Variants in ZNF624 observed in about 807,000 individuals in gnomAD.
ZNF624 encodes the protein zinc finger protein 624.
Under a neutral mutation model 74.7 loss-of-function variants are expected in ZNF624, and 43 were observed. That is an observed-to-expected ratio of 0.58 (90% CI 0.45 to 0.74). ZNF624 has a LOEUF of 0.74. Ranked by LOEUF, ZNF624 falls within the 30% of genes least tolerant of loss-of-function variation. ZNF624 has a pLI of 0.00. For missense variants in ZNF624, 820 were observed against 1,030.0 expected (o/e 0.80, Z 2.79); for synonymous variants, 331 against 341.3 (o/e 0.97, Z 0.33).
downstream of ZNF624, among the ~76,000 whole-genome samples, chr17:16,619,046 G>A (rs1395415946): frequency 6.6e-6 from 1 of 152,136 alleles, no homozygotes; most frequent in Admixed American, 6.5e-5. Context: ...AATAATAAAA[G>A]CATACAACGA....
chr17:16,642,874 C>T (rs1408708627), intron 3 of ZNF624, among the ~76,000 whole-genome samples: 1 of 152,176 alleles, frequency 6.6e-6, no homozygotes, highest in Non-Finnish European at 1.5e-5. Flanking sequence ...ATAGATATTT[C>T]TCCAAAGGAG....
chr17:16,643,714 C>A (rs1236135983), intron 3 of ZNF624, among the ~76,000 whole-genome samples: 1 of 152,148 alleles, frequency 6.6e-6, no homozygotes, highest in Non-Finnish European at 1.5e-5. Flanking sequence ...GCCAGAAGGA[C>A]AATCTTTTTC....
Position 16,630,041 on chromosome 17 carries a change from CAG to C in ZNF624, c.376+3819_376+3820del, listed in dbSNP as rs529129827. ...CAATGGCAGAGTGGAGTAGTCACAG[CAG>C]AGAGTCCTTATGATCCAACAAAGCC... On this transcript the variant is annotated intron_variant, in intron 5 of 5. Transcript: ENST00000311331. 2.1e-3 allele frequency among the ~76,000 whole-genome samples: 327 copies of C among 152,234 alleles called. 3 individuals are homozygous for C. Among genetic ancestry groups the C allele is most frequent in the Non-Finnish European group, 3.4e-3 (234 of 68,036 alleles).
At position 16,633,769 on chromosome 17, in the gene ZNF624, T is replaced by C. The variant is rs1029854138; in HGVS notation, c.376+93A>G. ...CCTCTGAGACAGCGTTGAACAAATA[T>C]ATCTTCAAAATTATTTCAGATGTTC... On this transcript the variant is annotated intron_variant, in intron 5 of 5. Transcript: ENST00000311331. 10 of 1,011,638 alleles carry C rather than the reference T, an allele frequency of 9.9e-6. No homozygotes were observed. In the Middle Eastern group the frequency reaches 6.6e-4, roughly 66 times the overall value. 62.7% of individuals were successfully genotyped at this position (1,011,638 alleles called of 1,614,324 possible). A position where few individuals can be genotyped will look rare whatever the true frequency, so the allele number is the denominator to read the frequency against.
At chr17:16,618,780 C>A (rs1028824025), downstream of ZNF624, among the ~76,000 whole-genome samples, 2 of 119,740 alleles carry the variant, frequency 1.7e-5, no homozygotes, top group African/African-American at 8.7e-5. Flanking sequence ...TATTTTCTCT[C>A]CCTTATTTTC....
intron 3 of ZNF624, among the ~76,000 whole-genome samples, chr17:16,636,835 CAA>C (rs371820225): frequency 2.4e-5 from 3 of 125,464 alleles, no homozygotes; most frequent in African/African-American, 5.9e-5. Flanking sequence ...GACTCCGTCT[CAA>C]AAAAAAAAAA....
At chr17:16,652,905 T>C (rs539953220) in intron 1 of ZNF624, among the ~76,000 whole-genome samples, 16 of 152,360 alleles carry the variant, frequency 1.1e-4, no homozygotes, top group South Asian at 2.1e-4. Flanking sequence ...TACATGACAG[T>C]AGCCACCTTA....
rs868208878 is a variant in ZNF624, at chr17:16,623,239, C to G, written c.1647G>C (p.Met549Ile). ...ATTTATAAGGTTTCTCTCCTGTATG[C>G]ATTCTGTGGTGTACAGTAAGGCATG... ...NYSCLTVHHR[M>I]HTGEKPYKCT... The change falls in exon 6 of 6, where the codon ATG becomes ATC. Residue 549 changes from methionine (M) to isoleucine (I), a missense_variant. By Grantham distance (10) the Met-to-Ile change is conservative. Coordinates refer to ENST00000311331, the MANE Select transcript of ZNF624 (RefSeq NM_020787.4). This position sits in a 1 kb window ranked among gnomAD's most constrained non-coding sequence, Gnocchi z 5.3. The G allele has an allele frequency of 1.2e-6, 2 of 1,613,844 alleles. No homozygotes were observed. Among genetic ancestry groups the G allele is most frequent in the Non-Finnish European group, 1.7e-6 (2 of 1,179,894 alleles).
In ZNF624 at chr17:16,622,810, TC is replaced by T; in HGVS notation, c.2075del (p.Gly692GlufsTer104). The T allele has an allele frequency of 6.2e-7, 1 of 1,614,050 alleles. No homozygotes were observed. Among genetic ancestry groups the T allele is most frequent in the Non-Finnish European group, 8.5e-7 (1 of 1,179,986 alleles). On this transcript the variant is annotated frameshift_variant, in exon 6 of 6. Coordinates refer to ENST00000311331, the MANE Select transcript of ZNF624 (RefSeq NM_020787.4). LOFTEE classifies it high-confidence loss of function. ...ATTCATTGCATTTATAGGGCTTCTC[TC>T]CAGTATGCCTTCGTTGGTGCACGGT... The part of the protein sequence containing the change: ...QLTVHQRRHT[G>X]EKPYKCNECG...
intron 4 of ZNF624, among the ~76,000 whole-genome samples, 197 bp downstream of exon 4, chr17:16,634,433 A>G (rs1909278026): frequency 6.6e-6 from 1 of 152,232 alleles, no homozygotes; most frequent in African/African-American, 2.4e-5. Flanking sequence ...GTTGTCAACA[A>G]TCTCCAAGAT....
intron 5 of ZNF624, among the ~76,000 whole-genome samples, chr17:16,632,328 C>A (rs899880991): frequency 6.6e-6 from 1 of 152,162 alleles, no homozygotes; most frequent in Admixed American, 6.5e-5. Flanking sequence ...CTTTGTCTTG[C>A]AACATCAATG....
At chr17:16,638,571 A>T (rs1173334317) in intron 3 of ZNF624, among the ~76,000 whole-genome samples, 1 of 152,186 alleles carries the variant, frequency 6.6e-6, no homozygotes, top group Non-Finnish European at 1.5e-5. Context: ...AGGGACATGG[A>T]TGAAACTGGA....
Position 16,633,952 on chromosome 17 carries a change from C to T in ZNF624, c.286G>A (p.Ala96Thr), listed in dbSNP as rs1204181152. 2.5e-6 allele frequency: 4 copies of T among 1,612,690 alleles called. No individual in the cohort carries two copies. Among genetic ancestry groups the T allele is most frequent in the Non-Finnish European group, 3.4e-6 (4 of 1,179,176 alleles). The change falls in exon 5 of 6, where the codon GCA becomes ACA. Residue 96 changes from alanine to threonine, a missense_variant. Coordinates refer to ENST00000311331, the MANE Select transcript of ZNF624 (RefSeq NM_020787.4). ...GATATCATGTCTGGTTTGGAAACTG[C>T]AAGCCCTGTCCAGAGAAAAATAAAT... Reference protein sequence around the residue: ...NYRNLVSLGLAVSKPDMISHL... With the variant: ...NYRNLVSLGLTVSKPDMISHL...
rs1482471082 is a variant in ZNF624, at chr17:16,623,282, T to G, written c.1604A>C (p.Lys535Thr). 1.9e-6 allele frequency: 3 copies of G among 1,613,990 alleles called. No homozygotes were observed. The South Asian group carries it at 3.3e-5, about 18-fold the overall frequency. Reference protein sequence around the residue: ...EKPYKCNECGKAFINYSCLTV... With the variant: ...EKPYKCNECGTAFINYSCLTV... ...AAGGCATGAATAATTAATGAATGCT[T>G]TCCCACATTCATTACATTTATAGGG... The change falls in exon 6 of 6, where the codon AAA becomes ACA. Residue 535 changes from lysine (K) to threonine (T), a missense_variant. Lys to Thr is a moderately conservative substitution (Grantham distance 78). Coordinates refer to ENST00000311331, the MANE Select transcript of ZNF624 (RefSeq NM_020787.4). The surrounding 1 kb of genome is among the most constrained non-coding windows in gnomAD (Gnocchi z 5.3).
chr17:16,633,576 G>A (rs1909254078), intron 5 of ZNF624, among the ~76,000 whole-genome samples: 1 of 152,004 alleles, frequency 6.6e-6, no homozygotes, highest in Non-Finnish European at 1.5e-5. Flanking sequence ...GACCTGAAAG[G>A]GATATTTTAT....
intron 4 of ZNF624, 38 bp downstream of exon 4, chr17:16,634,592 G>A: frequency 6.3e-7 from 1 of 1,592,438 alleles, no homozygotes; most frequent in Non-Finnish European, 8.5e-7. Context: ...CTGGTCAAAT[G>A]GGCAGATCAA....
In ZNF624 at chr17:16,623,675, G is replaced by C. The variant is rs760270076; in HGVS notation, c.1211C>G (p.Ala404Gly). 2.5e-6 allele frequency: 4 copies of C among 1,608,684 alleles called. No individual in the cohort carries two copies. The highest frequency in any genetic ancestry group is 2.2e-5 in the South Asian group (2 of 89,850). ...ACCATTGTGAGTTTCCTGATGTCTT[G>C]CAAGTTTTGATTTATCACTAAAAGC... ...GKAFSDKSKL[A>G]RHQETHNGEK... is the part of the protein sequence containing the mutation. Residue 404 changes from alanine (A) to glycine (G), a missense_variant, in exon 6 of 6, where the codon GCA (alanine) becomes GGA (glycine). Transcript: ENST00000311331. This position sits in a 1 kb window ranked among gnomAD's most constrained non-coding sequence, Gnocchi z 5.3.
intron 3 of ZNF624, among the ~76,000 whole-genome samples, chr17:16,642,905 T>C (rs183478584): frequency 2.0e-5 from 3 of 152,250 alleles, no homozygotes; most frequent in Non-Finnish European, 4.4e-5. Flanking sequence ...GGCCAATAAG[T>C]ATGCTCAAGA....
At chr17:16,630,054 T>C (rs1485635453) in intron 5 of ZNF624, among the ~76,000 whole-genome samples, 2 of 152,162 alleles carry the variant, frequency 1.3e-5, no homozygotes, top group African/African-American at 4.8e-5. Context: ...AGAGTCCTTA[T>C]GATCCAACAA....
Sources: gnomAD v4.1 joint callset for allele counts (sites outside exome capture counted in the v4.1 genomes callset) on GRCh38, gnomAD v4.1.1 for gene constraint, Gnocchi (gnomAD v3.1) non-coding constraint, MANE v1.5 for transcripts, NCBI Gene and HGNC (gene_info 2026-07-23, HGNC 2026-07-21) for gene names.